The following DNAH8 variants were observed in gnomAD, a reference collection of about 807,000 sequenced individuals.
DNAH8 encodes the protein axonemal beta dynein heavy chain 8.
In DNAH8, 382 loss-of-function variants were observed where a neutral mutation model predicts 562.1. The ratio of observed to expected loss-of-function variants is 0.68; its 90% CI spans 0.63 to 0.74. The LOEUF (loss-of-function observed/expected upper bound fraction) is 0.74. Among genes scored for constraint, DNAH8 ranks in the 30% least tolerant of loss-of-function variants. DNAH8 has a pLI of 0.00. For synonymous variants in DNAH8, 1,881 were observed against 1,919.4 expected (o/e 0.98, Z 0.52); for missense variants, 5,203 against 5,620.4 (o/e 0.93, Z 2.37).
Position 38,938,791 on chromosome 6 carries a change from G to A in DNAH8, c.11817-7G>A, listed in dbSNP as rs139673856. 421 of 1,582,992 alleles carry A rather than the reference G, an allele frequency of 2.7e-4. 1 individual carries two copies. In the African/African-American group the frequency reaches 5.2e-3, roughly 20 times the overall value. On this transcript the variant is annotated splice_region_variant and splice_polypyrimidine_tract_variant and intron_variant, in intron 78 of 92. Coordinates refer to ENST00000327475, the MANE Select transcript of DNAH8 (RefSeq NM_001206927.2). ...TTTGCTTCTTTGATTCTTAAAATGT[G>A]TTTCAGATCTGAAAAGTCACCACTA... is the stretch of plus-strand genomic sequence containing the variant.
chr6:38,898,104 A>C (rs1010142079), intron 60 of DNAH8, among the ~76,000 whole-genome samples, 154 bp from the exon 61 acceptor site: 5 of 152,210 alleles, frequency 3.3e-5, no homozygotes, highest in African/African-American at 1.2e-4. Context: ...AAATAACTAA[A>C]AGTAGACTAA....
intron 45 of DNAH8, among the ~76,000 whole-genome samples, chr6:38,865,841 G>A (rs956610609): frequency 2.0e-5 from 3 of 152,178 alleles, no homozygotes; most frequent in Admixed American, 2.0e-4. Context: ...CCCCTAGCAA[G>A]GTACCTGGCC....
intron 87 of DNAH8, among the ~76,000 whole-genome samples, chr6:38,985,179 A>G (rs1314601163): frequency 1.3e-5 from 2 of 152,262 alleles, no homozygotes; most frequent in Admixed American, 6.5e-5. Flanking sequence ...AATATTTTCT[A>G]GAGAAAATTG....
intron 42 of DNAH8, among the ~76,000 whole-genome samples, chr6:38,860,125 C>G (rs1450970300): frequency 6.6e-6 from 1 of 152,154 alleles, no homozygotes; most frequent in African/African-American, 2.4e-5. Flanking sequence ...TGTTTTCTTC[C>G]TCTGAGTGCC....
intron 82 of DNAH8, among the ~76,000 whole-genome samples, chr6:38,957,902 ACCTAATGTTGCATCTCAAGGAACTAG>A (rs1554145570): frequency 6.6e-6 from 1 of 151,544 alleles, no homozygotes. Context: ...ATCACAAATA[ACCTAATGTTGCATCTCAAGGAACTAG>A]AAAGACAAGA....
At chr6:38,901,024 T>C (rs927908161) in intron 62 of DNAH8, among the ~76,000 whole-genome samples, 3 of 152,208 alleles carry the variant, frequency 2.0e-5, no homozygotes, top group Admixed American at 1.3e-4. Context: ...GGATAGGCTC[T>C]TTTGTGAATT....
At chr6:38,803,023 A>G (rs1183581957) in intron 21 of DNAH8, among the ~76,000 whole-genome samples, 156 bp from the exon 22 acceptor site, 2 of 151,836 alleles carry the variant, frequency 1.3e-5, no homozygotes, top group Non-Finnish European at 2.9e-5. Context: ...GCCATTGACA[A>G]TTTTGAATCT....
intron 88 of DNAH8, among the ~76,000 whole-genome samples, chr6:39,006,687 G>C (rs1025252616): frequency 2.6e-5 from 4 of 152,170 alleles, no homozygotes; most frequent in African/African-American, 9.7e-5. Context: ...TAAATTCTTG[G>C]CTTGAGCTTT....
chr6:38,997,719 A>G (rs1212953678), intron 88 of DNAH8, among the ~76,000 whole-genome samples: 1 of 152,124 alleles, frequency 6.6e-6, no homozygotes, highest in Non-Finnish European at 1.5e-5. Context: ...CTGACCATCC[A>G]TGGTGTTCAA....
intron 89 of DNAH8, among the ~76,000 whole-genome samples, chr6:39,010,224 C>T (rs1766101498): frequency 6.6e-6 from 1 of 152,156 alleles, no homozygotes; most frequent in African/African-American, 2.4e-5. Flanking sequence ...AAACTTGTCC[C>T]TGTTCCAAGA....
chr6:38,878,147 A>G (rs1345688981), intron 53 of DNAH8, among the ~76,000 whole-genome samples: 1 of 152,252 alleles, frequency 6.6e-6, no homozygotes, highest in Non-Finnish European at 1.5e-5. Context: ...AAAGGTGTCA[A>G]TATTTTGAAT....
At chr6:39,013,623 G>A (rs1766371165) in intron 91 of DNAH8, among the ~76,000 whole-genome samples, 1 of 152,166 alleles carries the variant, frequency 6.6e-6, no homozygotes, top group African/African-American at 2.4e-5. Flanking sequence ...AGGTCAAGGT[G>A]GGCAAGTTGC....
At chr6:38,746,101 C>G (rs1274034443) in intron 8 of DNAH8, among the ~76,000 whole-genome samples, 1 of 152,138 alleles carries the variant, frequency 6.6e-6, no homozygotes, top group Non-Finnish European at 1.5e-5. Context: ...CTAGTTCCCT[C>G]ATTCCTTCCA....
Position 38,982,384 on chromosome 6 carries a change from C to T in DNAH8, c.12873C>T (p.Pro4291=), listed in dbSNP as rs748171295. The change falls in exon 86 of 93, where the codon CCC becomes CCT. Residue 4291 remains proline (P), a synonymous_variant. Transcript: ENST00000327475. ...RKFGPLGWNI[P]YEFNSADFSA... Reference sequence around the variant, plus strand: ...TTGGCCCCTTAGGATGGAATATTCCCTACGAATTCAATTCTGCTGACTTTT... The same window carrying T: ...TTGGCCCCTTAGGATGGAATATTCCTTACGAATTCAATTCTGCTGACTTTT... 1.2e-6 allele frequency: 2 copies of T among 1,611,386 alleles called. No homozygotes were observed. Among genetic ancestry groups the T allele is most frequent in the African/African-American group, 2.7e-5 (2 of 74,828 alleles).
intron 71 of DNAH8, among the ~76,000 whole-genome samples, 153 bp downstream of exon 71, chr6:38,921,659 G>C (rs1365854118): frequency 6.6e-6 from 1 of 152,140 alleles, no homozygotes; most frequent in African/African-American, 2.4e-5. Context: ...ATTATTTTTT[G>C]TGTTTTCACT....
Position 38,882,897 on chromosome 6 carries a change from A to G in DNAH8, c.7859-13A>G, listed in dbSNP as rs748276485. On this transcript the variant is annotated splice_polypyrimidine_tract_variant and intron_variant, in intron 53 of 92. Coordinates refer to ENST00000327475, the MANE Select transcript of DNAH8 (RefSeq NM_001206927.2). ...TATGGTTCTATTAAGATGAAATTTT[A>G]CTTATTATATAGGTGATTGGGAGCA... 2 of 1,509,228 alleles carry G rather than the reference A, an allele frequency of 1.3e-6. No homozygotes were observed. Among genetic ancestry groups the G allele is most frequent in the South Asian group, 2.8e-5 (2 of 70,928 alleles). The allele number at this position is 1,509,228 out of a possible 1,614,324, so 93.5% of individuals were successfully genotyped here.
At chr6:38,944,877 T>C (rs1272619617) in intron 79 of DNAH8, among the ~76,000 whole-genome samples, 1 of 152,088 alleles carries the variant, frequency 6.6e-6, no homozygotes, top group Non-Finnish European at 1.5e-5. Context: ...TATTATATCA[T>C]TTCCTCCTTC....
chr6:38,836,516 CAAA>C (rs35716203), intron 32 of DNAH8, among the ~76,000 whole-genome samples: 4 of 129,300 alleles, frequency 3.1e-5, no homozygotes, highest in Non-Finnish European at 3.2e-5. Flanking sequence ...AAAACCATCT[CAAA>C]AAAAAAAAAA....
chr6:38,812,814 C>T (rs1348685984), intron 24 of DNAH8, among the ~76,000 whole-genome samples: 9 of 152,028 alleles, frequency 5.9e-5, no homozygotes. Context: ...ATTCACGTGC[C>T]GTATCTAGGT....
Sources: allele counts gnomAD v4.1 joint callset (sites outside exome capture counted in the v4.1 genomes callset), GRCh38; gene constraint gnomAD v4.1.1; transcripts MANE v1.5; gene names NCBI Gene and HGNC (gene_info 2026-07-23, HGNC 2026-07-21).